LMTK2: variants seen among roughly 807,000 people sequenced by gnomAD.
LMTK2 encodes lemur tail kinase 2.
Under a neutral mutation model 127.5 loss-of-function variants are expected in LMTK2, and 37 were observed. The observed-to-expected ratio is 0.29, with a 90% confidence interval of 0.22 to 0.38. The LOEUF (loss-of-function observed/expected upper bound fraction) is 0.38. Ranked by LOEUF, LMTK2 falls within the 10% of genes least tolerant of loss-of-function variation. The pLI is 1.00. For synonymous variants in LMTK2, 819 were observed against 810.1 expected, an observed-to-expected ratio of 1.01 and a Z score of -0.19; for missense variants, 1,694 against 1,920.3, an observed-to-expected ratio of 0.88 and a Z score of 2.20.
intron 1 of LMTK2, among the ~76,000 whole-genome samples, chr7:98,116,864 C>G (rs979829838): frequency 6.6e-6 from 1 of 152,228 alleles, no homozygotes; most frequent in Non-Finnish European, 1.5e-5. Context: ...GTGACCTGGA[C>G]AGCTTTGAGG....
At position 98,137,411 on chromosome 7, in the gene LMTK2, C is replaced by A; in HGVS notation, c.200C>A (p.Ser67Tyr). 1 of 1,613,708 alleles carries A rather than the reference C, an allele frequency of 6.2e-7. No homozygotes were observed. The highest frequency in any genetic ancestry group is 1.6e-4 in the Middle Eastern group (1 of 6,062). ...ATAGTGTTAATTGCAAACTGTGTAT[C>A]CTGCTGTAAGGACCCAGAAATAGAC... is the stretch of plus-strand genomic sequence containing the variant. ...ILIVLIANCV[S>Y]CCKDPEIDFK... The change falls in exon 2 of 14, where the codon TCC (serine) becomes TAC (tyrosine). Residue 67 changes from serine (S) to tyrosine (Y), a missense_variant. By Grantham distance (144) the Ser-to-Tyr change is moderately radical (BLOSUM62 -2). This residue lies in a region of LMTK2 where 6 missense variants were observed against 25.8 expected (regional missense o/e 0.23). Transcript: ENST00000297293.
At chr7:98,138,607 C>CA (rs1185795326) in intron 2 of LMTK2, among the ~76,000 whole-genome samples, 3 of 152,200 alleles carry the variant, frequency 2.0e-5, no homozygotes, top group Non-Finnish European at 4.4e-5. Context: ...CTGCTGACGG[C>CA]ACTAGTAGTA....
chr7:98,203,517 A>G, intron 11 of LMTK2, 57 bp from the exon 12 acceptor site: 2 of 1,542,916 alleles, frequency 1.3e-6, no homozygotes, highest in Non-Finnish European at 1.7e-6. Context: ...AAGCGGTCAC[A>G]CGGGGGGTTC....
chr7:98,185,194 G>A, intron 8 of LMTK2, 59 bp downstream of exon 8: 1 of 1,146,480 alleles, frequency 8.7e-7, no homozygotes, highest in Non-Finnish European at 1.3e-6. Context: ...AAGTTGTAAT[G>A]TCACCAAATG....
intron 1 of LMTK2, among the ~76,000 whole-genome samples, chr7:98,136,252 G>A (rs1176756107): frequency 2.6e-5 from 4 of 152,158 alleles, no homozygotes; most frequent in Admixed American, 2.6e-4. Context: ...GTATATACAT[G>A]ACTGAATAAA....
intron 1 of LMTK2, 69 bp from the exon 2 acceptor site, chr7:98,137,246 T>G (rs572280106): frequency 5.5e-6 from 8 of 1,451,376 alleles, no homozygotes; most frequent in Middle Eastern, 2.0e-4. Flanking sequence ...GAGGAAAATA[T>G]ATTGATTCAC....
At chr7:98,199,394 C>T (rs906831473) in intron 11 of LMTK2, among the ~76,000 whole-genome samples, 1 of 152,202 alleles carries the variant, frequency 6.6e-6, no homozygotes, top group African/African-American at 2.4e-5. Context: ...TCTGTTGATG[C>T]ATATACATTG....
In LMTK2 at chr7:98,194,339, G is replaced by A. The variant is rs948701951; in HGVS notation, c.3874G>A (p.Asp1292Asn). ...TGCAGACGAGGAGGACGAAAACAGCGACGACTCGGACGAGGACCTGCGGGC... is the reference window on the plus strand; with the variant it reads ...TGCAGACGAGGAGGACGAAAACAGCAACGACTCGGACGAGGACCTGCGGGC... ...MDADEEDENS[D>N]DSDEDLRAFN... The change falls in exon 11 of 14, where the codon GAC becomes AAC. Residue 1292 changes from aspartate (D) to asparagine (N), a missense_variant. Around this residue, in one of 8 missense-constraint regions of LMTK2, gnomAD observed 554 missense variants for 567.7 expected, o/e 0.98. Transcript: ENST00000297293. The surrounding 1 kb of genome is among the most constrained non-coding windows in gnomAD (Gnocchi z 5.4). The A allele has an allele frequency of 6.8e-6, 11 of 1,613,972 alleles. No individual in the cohort carries two copies. Among genetic ancestry groups the A allele is most frequent in the East Asian group, 6.7e-5 (3 of 44,884 alleles).
intron 3 of LMTK2, among the ~76,000 whole-genome samples, chr7:98,147,133 C>T (rs945258400): frequency 1.3e-5 from 2 of 152,110 alleles, no homozygotes; most frequent in African/African-American, 4.8e-5. Context: ...ATCCCTTGTA[C>T]ATGATGAATT....
In LMTK2 at chr7:98,193,355, T is replaced by C; in HGVS notation, c.2890T>C (p.Leu964=). Residue 964 remains leucine, a synonymous_variant, in exon 11 of 14, where the codon TTG becomes CTG. Transcript: ENST00000297293. The surrounding 1 kb of genome is among the most constrained non-coding windows in gnomAD (Gnocchi z 4.1). ...NSKDAAKEAG[L]VSALSSDSTS... Reference sequence around the variant, plus strand: ...TAAAGACGCAGCAAAAGAAGCAGGCTTGGTGTCTGCCCTCTCCTCGGACTC... The same window carrying C: ...TAAAGACGCAGCAAAAGAAGCAGGCCTGGTGTCTGCCCTCTCCTCGGACTC... 1 of 1,614,222 alleles carries C rather than the reference T, an allele frequency of 6.2e-7. No individual in the cohort carries two copies. The highest frequency in any genetic ancestry group is 8.5e-7 in the Non-Finnish European group (1 of 1,180,040).
intron 5 of LMTK2, among the ~76,000 whole-genome samples, chr7:98,156,281 C>T (rs1031183051): frequency 7.2e-5 from 11 of 152,028 alleles, no homozygotes; most frequent in Non-Finnish European, 1.3e-4. Context: ...CTGGCTAACA[C>T]GGTGAAGCCC....
chr7:98,155,910 C>A lies in LMTK2; in HGVS notation c.569+1034C>A, dbSNP rs1481319025. 3.3e-5 allele frequency among the ~76,000 whole-genome samples: 5 copies of A among 152,020 alleles called. No individual in the cohort carries two copies. In the East Asian group the frequency reaches 9.7e-4, roughly 29 times the overall value. On this transcript the variant is annotated intron_variant, in intron 5 of 13. Coordinates refer to ENST00000297293, the MANE Select transcript of LMTK2 (RefSeq NM_014916.4). ...TTAAAAACATTTGCGTTGTGATAGA[C>A]CTTGGTAACAGTGAAAAGACGAGCC...
chr7:98,141,629 C>A, intron 3 of LMTK2, 88 bp downstream of exon 3: 2 of 1,236,776 alleles, frequency 1.6e-6, no homozygotes, highest in South Asian at 1.3e-5. Context: ...TATTGGACTG[C>A]CCATCTCCTC....
chr7:98,122,437 T>C (rs1796376771), intron 1 of LMTK2, among the ~76,000 whole-genome samples: 1 of 152,180 alleles, frequency 6.6e-6, no homozygotes, highest in South Asian at 2.1e-4. Flanking sequence ...GGATATTTTG[T>C]ATATCCTTTC....
rs1796123753 is a variant in LMTK2 at position 98,107,297 on chromosome 7, C to T, written c.103+17C>T. The T allele has an allele frequency of 2.8e-6, 3 of 1,067,504 alleles. No homozygotes were observed. The highest frequency in any genetic ancestry group is 2.3e-6 in the Non-Finnish European group (2 of 884,684). 66.1% of individuals were successfully genotyped at this position (1,067,504 alleles called of 1,614,324 possible). ...CAGGTGCAGGTGAGCGGGCCCGCGGCGGGGACGGGGCTGCGGGGTCTTCGG... is the reference window on the plus strand; with the variant it reads ...CAGGTGCAGGTGAGCGGGCCCGCGGTGGGGACGGGGCTGCGGGGTCTTCGG... On this transcript the variant is annotated intron_variant, in intron 1 of 13. Transcript: ENST00000297293.
At chr7:98,125,590 C>T (rs1315916433) in intron 1 of LMTK2, among the ~76,000 whole-genome samples, 2 of 152,182 alleles carry the variant, frequency 1.3e-5, no homozygotes, top group African/African-American at 4.8e-5. Context: ...TCCCATAACC[C>T]TCTTAACTAT....
chr7:98,200,764 G>A (rs886628744), intron 11 of LMTK2, among the ~76,000 whole-genome samples: 3 of 152,098 alleles, frequency 2.0e-5, no homozygotes, highest in African/African-American at 7.2e-5. Context: ...TACTTATAAT[G>A]CCTCATACAC....
intron 7 of LMTK2, among the ~76,000 whole-genome samples, chr7:98,182,142 A>G (rs533682548): frequency 1.7e-4 from 26 of 152,368 alleles, no homozygotes; most frequent in Non-Finnish European, 1.5e-4. Context: ...CAAAACTATA[A>G]AAGTCTTAGA....
intron 8 of LMTK2, among the ~76,000 whole-genome samples, chr7:98,186,253 G>A (rs974579621): frequency 4.6e-5 from 7 of 152,086 alleles, no homozygotes; most frequent in East Asian, 1.9e-4. Flanking sequence ...TAGTGGAGAC[G>A]GGTTTCACCC....
Sources: gnomAD v4.1 joint callset for allele counts (sites outside exome capture counted in the v4.1 genomes callset) on GRCh38, gnomAD v4.1.1 for gene constraint, gnomAD v4.1.1 regional missense constraint, Gnocchi (gnomAD v3.1) non-coding constraint, MANE v1.5 for transcripts, NCBI Gene and HGNC (gene_info 2026-07-23, HGNC 2026-07-21) for gene names.